The following KCNK13 variants were observed in gnomAD, a reference collection of about 807,000 sequenced individuals.
The protein encoded by KCNK13 is potassium two pore domain channel subfamily K member 13.
KCNK13 carries 12 observed loss-of-function variants against 23.4 expected under a neutral mutation model. The observed-to-expected ratio is 0.51, with a 90% CI of 0.33 to 0.83. KCNK13 has a LOEUF of 0.83. KCNK13 is among the 40% of genes least tolerant of loss of function. The pLI is 0.02. For synonymous variants in KCNK13, 231 were observed against 229.5 expected (o/e 1.01, Z -0.06); for missense variants, 463 against 556.3 (o/e 0.83, Z 1.69).
chr14:90,067,482 A>G (rs1428650558), intron 1 of KCNK13, among the ~76,000 whole-genome samples: 1 of 152,240 alleles, frequency 6.6e-6, no homozygotes, highest in East Asian at 1.9e-4. Flanking sequence ...GTTATTGTTT[A>G]ATGGGTACTT....
intron 1 of KCNK13, among the ~76,000 whole-genome samples, chr14:90,096,102 A>G (rs1368842714): frequency 6.6e-6 from 1 of 152,208 alleles, no homozygotes; most frequent in Non-Finnish European, 1.5e-5. Flanking sequence ...AGGAACATCC[A>G]TGTGTTCAGC....
intron 1 of KCNK13, among the ~76,000 whole-genome samples, chr14:90,105,908 A>G (rs546002508): frequency 1.3e-5 from 2 of 152,350 alleles, no homozygotes; most frequent in Middle Eastern, 3.4e-3. Context: ...AAGCAGGGGC[A>G]TAGAAGGAGG....
At chr14:90,137,801 G>C (rs1889956549) in intron 1 of KCNK13, among the ~76,000 whole-genome samples, 1 of 152,174 alleles carries the variant, frequency 6.6e-6, no homozygotes, top group Non-Finnish European at 1.5e-5. Context: ...CTACTCAGTG[G>C]TTTGATAAAA....
At chr14:90,128,312 A>AAAAC (rs772510857) in intron 1 of KCNK13, among the ~76,000 whole-genome samples, 33 of 152,180 alleles carry the variant, frequency 2.2e-4, no homozygotes, top group Non-Finnish European at 3.7e-4. Flanking sequence ...CTTGGTGTTT[A>AAAAC]AAACAAACAA....
At chr14:90,148,204 G>T (rs892763960) in intron 1 of KCNK13, among the ~76,000 whole-genome samples, 2 of 152,086 alleles carry the variant, frequency 1.3e-5, no homozygotes, top group South Asian at 4.1e-4. Flanking sequence ...GTTTACAGGG[G>T]TCCCTTTTGG....
chr14:90,113,371 A>G (rs1019503451), intron 1 of KCNK13, among the ~76,000 whole-genome samples: 3 of 152,204 alleles, frequency 2.0e-5, no homozygotes, highest in Non-Finnish European at 4.4e-5. Flanking sequence ...ACGAAAATAT[A>G]TATTCATAAA....
chr14:90,111,113 C>G (rs1240702396), intron 1 of KCNK13, among the ~76,000 whole-genome samples: 2 of 152,094 alleles, frequency 1.3e-5, no homozygotes, highest in Non-Finnish European at 2.9e-5. Flanking sequence ...TGAATGTTGC[C>G]TTAAAGCCAC....
intron 1 of KCNK13, among the ~76,000 whole-genome samples, chr14:90,077,761 T>G (rs968307246): frequency 2.0e-5 from 3 of 152,236 alleles, no homozygotes; most frequent in Non-Finnish European, 4.4e-5. Flanking sequence ...TAGTTATTGA[T>G]AGTATCTTAT....
At chr14:90,103,785 AC>A (rs982161235) in intron 1 of KCNK13, among the ~76,000 whole-genome samples, 6 of 152,038 alleles carry the variant, frequency 3.9e-5, no homozygotes, top group African/African-American at 1.4e-4. Flanking sequence ...CTGGTCTCAA[AC>A]CCGGGACCTT....
intron 1 of KCNK13, among the ~76,000 whole-genome samples, chr14:90,104,952 G>T (rs1489479659): frequency 2.7e-4 from 17 of 63,182 alleles, no homozygotes; most frequent in African/African-American, 1.2e-3. Flanking sequence ...ACCATGCCTG[G>T]CTAATTTTTT....
intron 1 of KCNK13, among the ~76,000 whole-genome samples, chr14:90,161,702 A>C (rs190907193): frequency 6.6e-6 from 1 of 152,344 alleles, no homozygotes; most frequent in Non-Finnish European, 1.5e-5. Context: ...TCCACAAATG[A>C]ATCTCTAAAT....
At chr14:90,136,815 G>T (rs902622781) in intron 1 of KCNK13, among the ~76,000 whole-genome samples, 1 of 152,112 alleles carries the variant, frequency 6.6e-6, no homozygotes, top group Admixed American at 6.5e-5. Flanking sequence ...AGGTTGAACC[G>T]AGAGGGTCAA....
At chr14:90,179,242 A>G (rs1012926471) in intron 1 of KCNK13, among the ~76,000 whole-genome samples, 1 of 152,192 alleles carries the variant, frequency 6.6e-6, no homozygotes, top group African/African-American at 2.4e-5. Context: ...CAGAATGTTG[A>G]TAATTTGGAA....
At position 90,062,742 on chromosome 14, in the gene KCNK13, C is replaced by A. The variant is rs757994632; in HGVS notation, c.334+203C>A. Among the ~76,000 whole-genome samples the A allele has an allele frequency of 5.3e-5, 8 of 152,180 alleles. No individual in the cohort carries two copies. Among genetic ancestry groups the A allele is most frequent in the Non-Finnish European group, 1.0e-4 (7 of 68,044 alleles). On this transcript the variant is annotated intron_variant, in intron 1 of 1. Coordinates refer to ENST00000282146, the MANE Select transcript of KCNK13 (RefSeq NM_022054.4). The surrounding 1 kb of genome is among the most constrained non-coding windows in gnomAD (Gnocchi z 4.5). The stretch of plus-strand genomic sequence containing the variant: ...CAGGCACCGGCAGCTTCAGCGTCAC[C>A]TGGCAGCTTGTTAGAAATGCAGTCT...
chr14:90,133,031 G>A (rs1387734697), intron 1 of KCNK13, among the ~76,000 whole-genome samples: 4 of 152,138 alleles, frequency 2.6e-5, no homozygotes, highest in Admixed American at 1.3e-4. Flanking sequence ...ACGTTTGGAC[G>A]ACAGGATCAT....
At chr14:90,136,085 G>A (rs1889933460) in intron 1 of KCNK13, among the ~76,000 whole-genome samples, 1 of 152,024 alleles carries the variant, frequency 6.6e-6, no homozygotes, top group Admixed American at 6.6e-5. Context: ...AAATAGAGAT[G>A]TGCCACCAAG....
intron 1 of KCNK13, among the ~76,000 whole-genome samples, chr14:90,162,345 T>C (rs778112891): frequency 1.3e-5 from 2 of 152,186 alleles, no homozygotes; most frequent in Non-Finnish European, 2.9e-5. Context: ...AAGAATAGAC[T>C]ATTCAGAGAT....
chr14:90,070,759 T>G (rs1022896687), intron 1 of KCNK13, among the ~76,000 whole-genome samples: 8 of 152,206 alleles, frequency 5.3e-5, no homozygotes, highest in African/African-American at 1.9e-4. Context: ...AATGTGTTGT[T>G]TCATGCGAAC....
chr14:90,064,263 A>T (rs56066747), intron 1 of KCNK13, among the ~76,000 whole-genome samples: 16,302 of 152,038 alleles, frequency 0.11, 2,873 homozygotes, highest in African/African-American at 0.37. Context: ...ATTGAATGGT[A>T]ACTTAGGGTG....
Sources: gnomAD v4.1 joint callset for allele counts (sites outside exome capture counted in the v4.1 genomes callset) on GRCh38, gnomAD v4.1.1 for gene constraint, Gnocchi (gnomAD v3.1) non-coding constraint, MANE v1.5 for transcripts, NCBI Gene and HGNC (gene_info 2026-07-23, HGNC 2026-07-21) for gene names.